The following JARID2 variants were observed in gnomAD, a reference collection of about 807,000 sequenced individuals.
JARID2 encodes the protein jumonji and AT-rich interaction domain containing 2.
Under a neutral mutation model 125.6 loss-of-function variants are expected in JARID2, and 21 were observed. The observed-to-expected ratio is 0.17, with a 90% CI of 0.12 to 0.24. The LOEUF (loss-of-function observed/expected upper bound fraction) is 0.24, where lower values mean the gene tolerates loss of function less well. JARID2 is among the 10% of genes least tolerant of loss of function. JARID2 has a pLI of 1.00. For synonymous variants in JARID2, 736 were observed against 661.6 expected, an observed-to-expected ratio of 1.11 and a Z score of -1.73; for missense variants, 1,303 against 1,639.6, an observed-to-expected ratio of 0.79 and a Z score of 3.55.
intron 1 of JARID2, among the ~76,000 whole-genome samples, chr6:15,339,779 C>T (rs1763007378): frequency 6.6e-6 from 1 of 152,126 alleles, no homozygotes. Context: ...AGGTGATGTG[C>T]CCTCGTCGGC....
chr6:15,384,997 T>C (rs912862857), intron 2 of JARID2, among the ~76,000 whole-genome samples: 1 of 152,240 alleles, frequency 6.6e-6, no homozygotes, highest in Admixed American at 6.5e-5. Context: ...GCTCAGCTTC[T>C]GCCTTTGTAT....
Position 15,410,338 on chromosome 6 carries a change from A to C in JARID2, c.296A>C (p.Asp99Ala). The change falls in exon 3 of 18, where the codon GAT (aspartate) becomes GCT (alanine). Residue 99 changes from aspartate (D) to alanine (A), a missense_variant. Physicochemically the swap from Asp to Ala is moderately radical, Grantham distance 126. This residue lies in a region of JARID2 where 93 missense variants were observed against 120.4 expected (regional missense o/e 0.77). Transcript: ENST00000341776. The stretch of plus-strand genomic sequence containing the variant: ...ACTAGCAACGATGTTAGTTCTTCAG[A>C]TTTTGAAGAAGGGCCGTCGAGGAAA... ...SSTSNDVSSS[D>A]FEEGPSRKRP... The C allele has an allele frequency of 6.2e-7, 1 of 1,614,136 alleles. No homozygotes were observed. The highest frequency in any genetic ancestry group is 8.5e-7 in the Non-Finnish European group (1 of 1,179,982).
At chr6:15,299,073 T>G (rs1761512803) in intron 1 of JARID2, among the ~76,000 whole-genome samples, 1 of 151,454 alleles carries the variant, frequency 6.6e-6, no homozygotes, top group Non-Finnish European at 1.5e-5. Context: ...TCTAAGAGGA[T>G]CATGGTGTAC....
rs202152073 is a variant in JARID2 at position 15,475,995 on chromosome 6, T to C, written c.670+7277T>C. Among the ~76,000 whole-genome samples the C allele has an allele frequency of 1.4e-4, 22 of 152,318 alleles. No individual in the cohort carries two copies. In the East Asian group the frequency reaches 1.7e-3, roughly 12 times the overall value. ...GAAAGGGGAGAGCAAGCTGGTTGTTTTGTGACTTTTCCATTACAGGGTATT... is the reference window on the plus strand; with the variant it reads ...GAAAGGGGAGAGCAAGCTGGTTGTTCTGTGACTTTTCCATTACAGGGTATT... On this transcript the variant is annotated intron_variant, in intron 5 of 17. Transcript: ENST00000341776.
intron 1 of JARID2, among the ~76,000 whole-genome samples, chr6:15,351,075 A>G (rs1047994150): frequency 4.6e-5 from 7 of 152,144 alleles, no homozygotes; most frequent in African/African-American, 1.7e-4. Flanking sequence ...GTGGTATGTA[A>G]TAAAATACAA....
chr6:15,339,265 G>C (rs140033942), intron 1 of JARID2, among the ~76,000 whole-genome samples: 355 of 152,276 alleles, frequency 2.3e-3, no homozygotes, highest in Non-Finnish European at 4.0e-3. Context: ...GAAAGGCTAA[G>C]AGAGGCCTTA....
intron 3 of JARID2, among the ~76,000 whole-genome samples, chr6:15,422,782 C>G (rs903349687): frequency 6.6e-5 from 10 of 152,148 alleles, no homozygotes; most frequent in African/African-American, 2.2e-4. Flanking sequence ...CTCCCCCTCC[C>G]TCTCTCAGAA....
At position 15,472,111 on chromosome 6, in the gene JARID2, G is replaced by A. The variant is rs112436748; in HGVS notation, c.670+3393G>A. ...TTTTTGTCCCCTCATGAATTTTGAT[G>A]TCTCTCGGTGAGGGGCTGGTAGGAT... On this transcript the variant is annotated intron_variant, in intron 5 of 17. Coordinates refer to ENST00000341776, the MANE Select transcript of JARID2 (RefSeq NM_004973.4). Among the ~76,000 whole-genome samples the A allele has an allele frequency of 9.4e-3, 1,431 of 151,804 alleles. 22 individuals carry two copies. Among genetic ancestry groups the A allele is most frequent in the African/African-American group, 0.033 (1,365 of 41,352 alleles).
intron 7 of JARID2, 42 bp downstream of exon 7, chr6:15,497,212 T>C (rs748568112): frequency 5.7e-6 from 8 of 1,410,200 alleles, no homozygotes; most frequent in Non-Finnish European, 5.8e-6. Context: ...CCTGCCCTCC[T>C]GCCCCCAGAT....
At chr6:15,491,925 T>G (rs1233348750) in intron 6 of JARID2, among the ~76,000 whole-genome samples, 1 of 152,276 alleles carries the variant, frequency 6.6e-6, no homozygotes, top group African/African-American at 2.4e-5. Flanking sequence ...TGGACTTTCA[T>G]ATCTCTCACC....
intron 1 of JARID2, among the ~76,000 whole-genome samples, chr6:15,257,221 C>T (rs1759699921): frequency 6.6e-6 from 1 of 152,114 alleles, no homozygotes; most frequent in Non-Finnish European, 1.5e-5. Flanking sequence ...AAAATAAAAT[C>T]CACGTGTAAT....
chr6:15,271,889 A>G (rs1232897147), intron 1 of JARID2, among the ~76,000 whole-genome samples: 1 of 152,060 alleles, frequency 6.6e-6, no homozygotes, highest in Non-Finnish European at 1.5e-5. Flanking sequence ...AATCCCAGCT[A>G]CTCGGGAGGC....
chr6:15,403,677 A>G (rs909157487), intron 2 of JARID2, among the ~76,000 whole-genome samples: 13 of 152,198 alleles, frequency 8.5e-5, no homozygotes, highest in African/African-American at 3.1e-4. Context: ...CTTAGTATCT[A>G]ACGCTTTCTC....
At chr6:15,389,403 C>T (rs557989080) in intron 2 of JARID2, among the ~76,000 whole-genome samples, 1 of 152,318 alleles carries the variant, frequency 6.6e-6, no homozygotes, top group Non-Finnish European at 1.5e-5. Flanking sequence ...AGTCTGCTTC[C>T]ATCCCATGTG....
chr6:15,254,872 T>C (rs1406331573), intron 1 of JARID2, among the ~76,000 whole-genome samples: 1 of 151,830 alleles, frequency 6.6e-6, no homozygotes, highest in African/African-American at 2.4e-5. Flanking sequence ...AAACTCCGTC[T>C]CTACTAAAAA....
At chr6:15,425,610 T>A (rs1766692007) in intron 3 of JARID2, among the ~76,000 whole-genome samples, 1 of 152,224 alleles carries the variant, frequency 6.6e-6, no homozygotes, top group Admixed American at 6.5e-5. Flanking sequence ...GGCCCCCTTT[T>A]GTCTCTCTTG....
At chr6:15,327,284 C>G (rs1234436153) in intron 1 of JARID2, among the ~76,000 whole-genome samples, 1 of 152,068 alleles carries the variant, frequency 6.6e-6, no homozygotes, top group Non-Finnish European at 1.5e-5. Context: ...TGCCCTGTCA[C>G]CCAGGTTGGA....
intron 5 of JARID2, 117 bp from the exon 6 acceptor site, chr6:15,487,190 T>G: frequency 1.2e-6 from 1 of 800,008 alleles, no homozygotes; most frequent in Non-Finnish European, 2.1e-6. Flanking sequence ...CGCTAACACA[T>G]GGGGATTACA....
chr6:15,260,000 A>C (rs769517435), intron 1 of JARID2, among the ~76,000 whole-genome samples: 1 of 152,184 alleles, frequency 6.6e-6, no homozygotes, highest in African/African-American at 2.4e-5. Context: ...TTTTGGTTTG[A>C]GGTCTTGACC....
Sources: allele counts gnomAD v4.1 joint callset (sites outside exome capture counted in the v4.1 genomes callset), GRCh38; gene constraint gnomAD v4.1.1; regional missense constraint gnomAD v4.1.1; transcripts MANE v1.5; gene names NCBI Gene and HGNC (gene_info 2026-07-23, HGNC 2026-07-21).